The following MND1 variants were observed in gnomAD, a reference collection of about 807,000 sequenced individuals.
MND1 encodes meiotic nuclear divisions 1.
A neutral mutation model predicts 35.1 loss-of-function variants in MND1; 28 were observed. The ratio of observed to expected loss-of-function variants is 0.80; its 90% CI spans 0.59 to 1.09. MND1 has a LOEUF of 1.09. Ranked by LOEUF, MND1 falls within the 50% of genes least tolerant of loss-of-function variation. The pLI, the probability that MND1 is intolerant of heterozygous loss-of-function variation, is 0.00. For synonymous variants in MND1, 69 were observed against 70.5 expected (o/e 0.98, Z 0.11); for missense variants, 213 against 239.6 (o/e 0.89, Z 0.73).
chr4:153,398,563 T>C (rs899135030), intron 6 of MND1, among the ~76,000 whole-genome samples: 2 of 152,194 alleles, frequency 1.3e-5, no homozygotes, highest in African/African-American at 2.4e-5. Flanking sequence ...ATGGAGTACA[T>C]AGCCTAGGTG....
intron 4 of MND1, among the ~76,000 whole-genome samples, chr4:153,384,443 A>ATTTTTTTTT (rs561004288): frequency 0.024 from 1,539 of 63,212 alleles, 192 homozygotes; most frequent in Non-Finnish European, 0.03. Flanking sequence ...CTAATGTTTA[A>ATTTTTTTTT]TTTTTTTTTT....
chr4:153,390,919 A>ATGTATG (rs1554012262), intron 4 of MND1, among the ~76,000 whole-genome samples: 1 of 124,760 alleles, frequency 8.0e-6, no homozygotes, highest in South Asian at 2.4e-4. Context: ...GTGTGTGTAT[A>ATGTATG]TGTGTGTGTG....
chr4:153,367,494 C>G (rs987745877), intron 4 of MND1, among the ~76,000 whole-genome samples: 6 of 152,198 alleles, frequency 3.9e-5, no homozygotes, highest in Admixed American at 3.9e-4. Context: ...TACTTCATTA[C>G]TTTTTATGGC....
intron 5 of MND1, among the ~76,000 whole-genome samples, chr4:153,395,382 G>T (rs1729169450): frequency 6.6e-6 from 1 of 152,102 alleles, no homozygotes; most frequent in African/African-American, 2.4e-5. Flanking sequence ...TAATCCACTG[G>T]AACAAGTGCA....
chr4:153,350,806 A>G (rs1773194761), intron 2 of MND1, among the ~76,000 whole-genome samples: 1 of 152,178 alleles, frequency 6.6e-6, no homozygotes, highest in South Asian at 2.1e-4. Context: ...CCGACTTCAT[A>G]TGGCTTGGCA....
chr4:153,388,255 C>T (rs1728922260), intron 4 of MND1, among the ~76,000 whole-genome samples: 1 of 152,262 alleles, frequency 6.6e-6, no homozygotes, highest in African/African-American at 2.4e-5. Flanking sequence ...TTTGGGAGGA[C>T]AAGGCGGGAG....
Position 153,358,535 on chromosome 4 carries a change from G to A in MND1, c.189G>A (p.Glu63=), listed in dbSNP as rs748295991. Residue 63 remains glutamate (E), a synonymous_variant, in exon 4 of 8, where the codon GAG becomes GAA. Transcript: ENST00000240488. ...SLVDDGMVDC[E]RIGTSNYYWA... ...TTGATGATGGTATGGTTGACTGTGAGAGGATCGGAACTTCTAATTATTATT... is the reference window on the plus strand; with the variant it reads ...TTGATGATGGTATGGTTGACTGTGAAAGGATCGGAACTTCTAATTATTATT... 2.5e-6 allele frequency: 4 copies of A among 1,613,612 alleles called. No homozygotes were observed. Among genetic ancestry groups the A allele is most frequent in the Non-Finnish European group, 3.4e-6 (4 of 1,179,804 alleles).
chr4:153,379,123 C>T (rs1332882008), intron 4 of MND1, among the ~76,000 whole-genome samples: 1 of 151,740 alleles, frequency 6.6e-6, no homozygotes, highest in Admixed American at 6.6e-5. Flanking sequence ...CCCGTCTCTA[C>T]TAAAAGTACC....
chr4:153,353,396 C>T (rs73854669), intron 2 of MND1, among the ~76,000 whole-genome samples: 2,174 of 121,266 alleles, frequency 0.018, 61 homozygotes, highest in African/African-American at 0.06. Flanking sequence ...ATTCTACTGA[C>T]TTTATCACAT....
At chr4:153,383,289 T>C (rs1273351563) in intron 4 of MND1, among the ~76,000 whole-genome samples, 3 of 151,970 alleles carry the variant, frequency 2.0e-5, no homozygotes, top group Non-Finnish European at 4.4e-5. Flanking sequence ...TGGGAGGAAA[T>C]TGGGGGCAAA....
chr4:153,396,852 A>G (rs2149654188), intron 5 of MND1, among the ~76,000 whole-genome samples: 1 of 152,316 alleles, frequency 6.6e-6, no homozygotes, highest in Non-Finnish European at 1.5e-5. Context: ...TGTTACTTAC[A>G]CATATAGACA....
intron 7 of MND1, among the ~76,000 whole-genome samples, chr4:153,409,310 A>G (rs1458273656): frequency 6.6e-6 from 1 of 151,880 alleles, no homozygotes; most frequent in Non-Finnish European, 1.5e-5. Context: ...CTTAACTTTC[A>G]TATACATTAA....
At position 153,346,961 on chromosome 4, in the gene MND1, A is replaced by G. The variant is rs181985360; in HGVS notation, c.3+2221A>G. Among the ~76,000 whole-genome samples the G allele has an allele frequency of 2.0e-5, 3 of 152,354 alleles. No homozygotes were observed. In the East Asian group the frequency reaches 5.8e-4, roughly 29 times the overall value. On this transcript the variant is annotated intron_variant, in intron 1 of 7. Transcript: ENST00000240488. The stretch of plus-strand genomic sequence containing the variant: ...CTTCAGATTCTGGGCTGACAAAAGT[A>G]GGGTTCTCAACCCTGGGGCACAATT...
At chr4:153,360,527 T>A (rs1441941915) in intron 4 of MND1, among the ~76,000 whole-genome samples, 1 of 151,892 alleles carries the variant, frequency 6.6e-6, no homozygotes, top group Non-Finnish European at 1.5e-5. Context: ...AAATTCAATT[T>A]TTTGTACATA....
chr4:153,414,104 GAAT>G (rs1488265481), intron 7 of MND1, among the ~76,000 whole-genome samples: 1 of 152,062 alleles, frequency 6.6e-6, no homozygotes, highest in African/African-American at 2.4e-5. Flanking sequence ...TTCCCTTTGG[GAAT>G]AGGAGCAACT....
At chr4:153,363,021 T>G in intron 4 of MND1, 4 of 985,458 alleles carry the variant, frequency 4.1e-6, no homozygotes, top group Non-Finnish European at 4.8e-6. Context: ...AAGTGCAAGA[T>G]GGAGGTAAGC....
At chr4:153,401,040 T>C (rs562766136) in intron 6 of MND1, among the ~76,000 whole-genome samples, 1 of 152,140 alleles carries the variant, frequency 6.6e-6, no homozygotes, top group Non-Finnish European at 1.5e-5. Context: ...GAAGAAAGAA[T>C]TGATGTTAGT....
At chr4:153,390,757 A>T (rs1196146464) in intron 4 of MND1, among the ~76,000 whole-genome samples, 5 of 151,988 alleles carry the variant, frequency 3.3e-5, no homozygotes, top group Non-Finnish European at 1.5e-5. Flanking sequence ...CTGAGGTGGG[A>T]GGATTGTTTG....
intron 2 of MND1, among the ~76,000 whole-genome samples, chr4:153,352,802 A>G (rs1773249220): frequency 1.3e-5 from 2 of 150,464 alleles, no homozygotes; most frequent in South Asian, 2.1e-4. Context: ...TATGTCTTCC[A>G]TGGTACCTTA....
Sources: gnomAD v4.1 joint callset for allele counts (sites outside exome capture counted in the v4.1 genomes callset) on GRCh38, gnomAD v4.1.1 for gene constraint, MANE v1.5 for transcripts, NCBI Gene and HGNC (gene_info 2026-07-23, HGNC 2026-07-21) for gene names.